RBFOX1: variants seen among roughly 807,000 people sequenced by gnomAD.
RBFOX1 encodes RNA binding fox-1 homolog 1.
RBFOX1 carries 8 observed loss-of-function variants against 57.7 expected under a neutral mutation model. That is an observed-to-expected ratio of 0.14 (90% CI 0.08 to 0.25). RBFOX1 has a LOEUF of 0.25. Ranked by LOEUF, RBFOX1 falls within the 10% of genes least tolerant of loss-of-function variation. RBFOX1 has a pLI of 1.00. For synonymous variants in RBFOX1, 326 were observed against 222.4 expected (o/e 1.47, Z -4.15); for missense variants, 611 against 548.5 (o/e 1.11, Z -1.14).
intron 4 of RBFOX1, among the ~76,000 whole-genome samples, chr16:5,960,443 C>G (rs1343701447): frequency 1.3e-5 from 2 of 152,092 alleles, no homozygotes; most frequent in East Asian, 3.9e-4. Context: ...TTATGTTCCC[C>G]CAAAGTATTA....
chr16:6,780,466 T>TACATTTTTATATA (rs2080765244), intron 3 of RBFOX1, among the ~76,000 whole-genome samples: 3 of 96,492 alleles, frequency 3.1e-5, no homozygotes, highest in South Asian at 7.9e-4. Context: ...TTATATATAT[T>TACATTTTTATATA]TATATACATT....
chr16:6,706,881 C>T (rs2062847393), intron 3 of RBFOX1, among the ~76,000 whole-genome samples: 1 of 152,032 alleles, frequency 6.6e-6, no homozygotes, highest in Admixed American at 6.6e-5. Context: ...CTATGTGTCT[C>T]AGAGAACTCC....
At chr16:6,250,905 G>C (rs768269832) in intron 1 of RBFOX1, among the ~76,000 whole-genome samples, 2 of 152,130 alleles carry the variant, frequency 1.3e-5, no homozygotes, top group Non-Finnish European at 2.9e-5. Context: ...CCCTGTCTCT[G>C]AACCCTTCCA....
chr16:6,075,114 C>G (rs2095880018), intron 1 of RBFOX1, among the ~76,000 whole-genome samples: 1 of 152,108 alleles, frequency 6.6e-6, no homozygotes, highest in African/African-American at 2.4e-5. Flanking sequence ...CTGGTGCTCC[C>G]ATTTATCACA....
intron 3 of RBFOX1, among the ~76,000 whole-genome samples, chr16:6,827,414 G>T (rs2092292087): frequency 6.6e-6 from 1 of 151,910 alleles, no homozygotes; most frequent in African/African-American, 2.4e-5. Flanking sequence ...GTGCTTATAG[G>T]GAAGGAAGAG....
intron 3 of RBFOX1, among the ~76,000 whole-genome samples, chr16:5,742,621 T>C (rs2052815823): frequency 6.6e-6 from 1 of 152,116 alleles, no homozygotes; most frequent in South Asian, 2.1e-4. Flanking sequence ...AAGCTACTCA[T>C]ATAGAAAGCT....
intron 1 of RBFOX1, among the ~76,000 whole-genome samples, chr16:6,157,278 G>A (rs995888758): frequency 1.3e-5 from 2 of 152,066 alleles, no homozygotes; most frequent in Non-Finnish European, 2.9e-5. Context: ...CAAACAGGTG[G>A]CCAAGGTAAG....
rs556164635 is a variant in RBFOX1, at chr16:7,206,522, G to T, written c.27+154424G>T. Among the ~76,000 whole-genome samples the T allele has an allele frequency of 3.3e-4, 50 of 151,768 alleles. 1 individual carries two copies. The South Asian group carries it at 0.01, about 32-fold the overall frequency. ...ACACATATATTTTAGAAAGACACTT[G>T]CAAGCTCTCAAAAATGAGTTGCTGC... On this transcript the variant is annotated intron_variant, in intron 4 of 15. Transcript: ENST00000550418.
chr16:7,024,428 C>T (rs1434777314), intron 3 of RBFOX1, among the ~76,000 whole-genome samples: 1 of 152,126 alleles, frequency 6.6e-6, no homozygotes, highest in East Asian at 1.9e-4. Context: ...GTTTGGGGAA[C>T]ATTAAAACAT....
chr16:6,219,152 C>T (rs1206257954), intron 1 of RBFOX1, among the ~76,000 whole-genome samples: 1 of 152,174 alleles, frequency 6.6e-6, no homozygotes, highest in Non-Finnish European at 1.5e-5. Context: ...ATATGTCTAG[C>T]ACCAGCCCTT....
In RBFOX1 at chr16:6,635,534, G is replaced by C. The variant is rs543094334; in HGVS notation, c.-63-19069G>C. Among the ~76,000 whole-genome samples the C allele has an allele frequency of 7.9e-5, 12 of 152,212 alleles. No homozygotes were observed. In the South Asian group the frequency reaches 2.5e-3, roughly 32 times the overall value. On this transcript the variant is annotated intron_variant, in intron 2 of 15. Coordinates refer to ENST00000550418, the MANE Select transcript of RBFOX1 (RefSeq NM_018723.4). Reference sequence around the variant, plus strand: ...GAAAGTGATTCAGCAGGAGGAGACAGTGAGCCAAGTTTCTGGAAAATAAAA... The same window carrying C: ...GAAAGTGATTCAGCAGGAGGAGACACTGAGCCAAGTTTCTGGAAAATAAAA...
chr16:5,290,633 A>C (rs2063510673), intron 1 of RBFOX1, among the ~76,000 whole-genome samples: 1 of 152,186 alleles, frequency 6.6e-6, no homozygotes, highest in South Asian at 2.1e-4. Flanking sequence ...TGAGTTCACT[A>C]GGTGGATAAA....
At chr16:7,378,714 C>A (rs970632560) in intron 4 of RBFOX1, among the ~76,000 whole-genome samples, 2 of 152,108 alleles carry the variant, frequency 1.3e-5, no homozygotes, top group Non-Finnish European at 2.9e-5. Flanking sequence ...CTGCATCCGC[C>A]AAACCCTGGT....
At chr16:7,450,053 C>T (rs1027410584) in intron 4 of RBFOX1, among the ~76,000 whole-genome samples, 2 of 151,962 alleles carry the variant, frequency 1.3e-5, no homozygotes, top group African/African-American at 2.4e-5. Context: ...GATTTCAGAG[C>T]CTGTCATCAT....
chr16:7,044,750 G>T (rs2047330365), intron 3 of RBFOX1, among the ~76,000 whole-genome samples: 3 of 152,290 alleles, frequency 2.0e-5, no homozygotes, highest in African/African-American at 4.8e-5. Flanking sequence ...ATTTGATAAA[G>T]TGTACATTTA....
At chr16:6,020,703 G>T (rs1002846136) in intron 1 of RBFOX1, among the ~76,000 whole-genome samples, 4 of 152,242 alleles carry the variant, frequency 2.6e-5, no homozygotes, top group Middle Eastern at 3.4e-3. Flanking sequence ...CAGGCCAGGG[G>T]GGGGCTTGTC....
chr16:5,796,400 A>G (rs907141299), intron 3 of RBFOX1, among the ~76,000 whole-genome samples: 3 of 152,212 alleles, frequency 2.0e-5, no homozygotes, highest in African/African-American at 7.2e-5. Context: ...CACAGTGATC[A>G]AGTATCCAGG....
chr16:5,832,049 T>A (rs74762628), intron 3 of RBFOX1, among the ~76,000 whole-genome samples: 1 of 152,176 alleles, frequency 6.6e-6, no homozygotes, highest in Admixed American at 6.5e-5. Context: ...CCAGTCAGCA[T>A]CAGACCATGA....
chr16:6,913,220 C>A (rs1026232069), intron 3 of RBFOX1, among the ~76,000 whole-genome samples: 1 of 151,992 alleles, frequency 6.6e-6, no homozygotes, highest in Non-Finnish European at 1.5e-5. Context: ...AACAGGGTAT[C>A]GGAAATTATT....
Sources: allele counts gnomAD v4.1 joint callset (sites outside exome capture counted in the v4.1 genomes callset), GRCh38; gene constraint gnomAD v4.1.1; transcripts MANE v1.5; gene names NCBI Gene and HGNC (gene_info 2026-07-23, HGNC 2026-07-21).